ASIC2: variants seen among roughly 807,000 people sequenced by gnomAD.
ASIC2 encodes acid-sensing ion channel 2.
Under a neutral mutation model 57.3 loss-of-function variants are expected in ASIC2, and 25 were observed. The observed-to-expected ratio is 0.44, with a 90% CI of 0.32 to 0.61. ASIC2 has a LOEUF of 0.61. ASIC2 is among the 20% of genes least tolerant of loss of function. The probability of loss-of-function intolerance (pLI) is 0.06; values close to 1 mark genes in which losing one functional copy is unlikely to be tolerated. For synonymous variants in ASIC2, 319 were observed against 307.5 expected (o/e 1.04, Z -0.39); for missense variants, 641 against 738.1 (o/e 0.87, Z 1.52).
At chr17:33,328,190 G>T (rs1907155605) in intron 1 of ASIC2, among the ~76,000 whole-genome samples, 1 of 152,138 alleles carries the variant, frequency 6.6e-6, no homozygotes, top group Non-Finnish European at 1.5e-5. Flanking sequence ...CTGAGGAGGA[G>T]AATACTGAGT....
At chr17:33,242,660 G>A (rs1908549759) in intron 1 of ASIC2, among the ~76,000 whole-genome samples, 1 of 152,098 alleles carries the variant, frequency 6.6e-6, no homozygotes. Flanking sequence ...GAGTAATCCC[G>A]AGACGTCCGG....
intron 1 of ASIC2, among the ~76,000 whole-genome samples, chr17:33,861,123 T>A (rs1024578491): frequency 6.6e-6 from 1 of 152,190 alleles, no homozygotes; most frequent in African/African-American, 2.4e-5. Flanking sequence ...AAAAACCCCG[T>A]GTGTAACAGG....
At chr17:34,036,179 A>C (rs1284739309) in intron 1 of ASIC2, among the ~76,000 whole-genome samples, 1 of 152,090 alleles carries the variant, frequency 6.6e-6, no homozygotes, top group Non-Finnish European at 1.5e-5. Flanking sequence ...ACACCATGGA[A>C]TACTATGCAG....
intron 1 of ASIC2, among the ~76,000 whole-genome samples, chr17:33,133,363 C>T (rs1409381614): frequency 6.6e-6 from 1 of 152,054 alleles, no homozygotes; most frequent in Non-Finnish European, 1.5e-5. Context: ...GGAGGAAGTA[C>T]TGGATGGGAT....
intron 1 of ASIC2, among the ~76,000 whole-genome samples, chr17:33,557,730 G>A (rs1158879648): frequency 1.3e-5 from 2 of 152,092 alleles, no homozygotes; most frequent in East Asian, 3.9e-4. Flanking sequence ...AAAAAGTTAA[G>A]CATTTTATTT....
intron 1 of ASIC2, among the ~76,000 whole-genome samples, chr17:34,033,611 C>T (rs532714737): frequency 4.6e-5 from 7 of 151,974 alleles, no homozygotes; most frequent in South Asian, 2.1e-4. Context: ...ATTGATAGAC[C>T]GTTAGCAAGA....
At chr17:33,328,852 A>G (rs779056103) in intron 1 of ASIC2, among the ~76,000 whole-genome samples, 1 of 152,250 alleles carries the variant, frequency 6.6e-6, no homozygotes, top group Non-Finnish European at 1.5e-5. Flanking sequence ...ATATACATAC[A>G]TGTATAAATT....
At chr17:33,316,296 A>C (rs1906642724) in intron 1 of ASIC2, among the ~76,000 whole-genome samples, 1 of 152,198 alleles carries the variant, frequency 6.6e-6, no homozygotes, top group Non-Finnish European at 1.5e-5. Context: ...TGTCTACAAA[A>C]TGAAGGGCAG....
intron 1 of ASIC2, among the ~76,000 whole-genome samples, chr17:33,741,020 C>A (rs532062528): frequency 6.6e-6 from 1 of 152,130 alleles, no homozygotes; most frequent in Non-Finnish European, 1.5e-5. Context: ...CCTAGCCAGC[C>A]CTGTGTGCAG....
intron 1 of ASIC2, among the ~76,000 whole-genome samples, chr17:34,007,778 C>T (rs1054395210): frequency 2.0e-5 from 3 of 152,236 alleles, no homozygotes; most frequent in Non-Finnish European, 4.4e-5. Context: ...CTCCCAATCC[C>T]TTTGCAGGGT....
chr17:33,488,605 AACAC>A (rs1913652594), intron 1 of ASIC2, among the ~76,000 whole-genome samples: 1 of 152,108 alleles, frequency 6.6e-6, no homozygotes, highest in African/African-American at 2.4e-5. Context: ...ATCATGGTAA[AACAC>A]ACACAGCATA....
At chr17:34,102,793 G>T (rs1910912781) in intron 1 of ASIC2, among the ~76,000 whole-genome samples, 1 of 152,134 alleles carries the variant, frequency 6.6e-6, no homozygotes, top group Non-Finnish European at 1.5e-5. Context: ...TTTTCATACG[G>T]TACTTTTTGT....
At chr17:33,997,555 C>G (rs1055580189) in intron 1 of ASIC2, among the ~76,000 whole-genome samples, 2 of 151,810 alleles carry the variant, frequency 1.3e-5, no homozygotes, top group South Asian at 4.2e-4. Context: ...AGTTTTATAC[C>G]TAATTTGTTG....
intron 1 of ASIC2, among the ~76,000 whole-genome samples, chr17:33,194,709 G>T (rs1906559171): frequency 6.6e-6 from 1 of 151,116 alleles, no homozygotes; most frequent in East Asian, 1.9e-4. Flanking sequence ...GGAATCTCTT[G>T]CTGTTGACTT....
intron 1 of ASIC2, among the ~76,000 whole-genome samples, chr17:33,173,795 C>A (rs891973574): frequency 6.6e-5 from 10 of 152,200 alleles, no homozygotes; most frequent in African/African-American, 2.4e-4. Context: ...CCATGAGAAT[C>A]ACATTAGCAA....
chr17:33,399,807 T>C (rs1444404673), intron 1 of ASIC2, among the ~76,000 whole-genome samples: 1 of 152,188 alleles, frequency 6.6e-6, no homozygotes, highest in Non-Finnish European at 1.5e-5. Flanking sequence ...GTGTGCACCA[T>C]GGTAGTGGTG....
At chr17:34,032,516 T>G (rs566761120) in intron 1 of ASIC2, among the ~76,000 whole-genome samples, 1 of 152,256 alleles carries the variant, frequency 6.6e-6, no homozygotes, top group South Asian at 2.1e-4. Context: ...ATAACAATAT[T>G]AACTTTAAAT....
chr17:33,057,501 T>C (rs1309596206), intron 3 of ASIC2, among the ~76,000 whole-genome samples: 2 of 152,242 alleles, frequency 1.3e-5, no homozygotes, highest in East Asian at 3.8e-4. Flanking sequence ...TGGAAGCCAA[T>C]GCAAGAGTTT....
At chr17:33,426,479 G>A (rs955183921) in intron 1 of ASIC2, among the ~76,000 whole-genome samples, 16 of 152,212 alleles carry the variant, frequency 1.1e-4, no homozygotes, top group Non-Finnish European at 7.3e-5. Flanking sequence ...CGTTGGTGGG[G>A]AGACCTTAAA....
Sources: allele counts gnomAD v4.1 joint callset (sites outside exome capture counted in the v4.1 genomes callset), GRCh38; gene constraint gnomAD v4.1.1; transcripts MANE v1.5; gene names NCBI Gene and HGNC (gene_info 2026-07-23, HGNC 2026-07-21).